Variants in SORBS2 observed in about 807,000 individuals in gnomAD.
SORBS2 encodes sorbin and SH3 domain containing 2.
In SORBS2, 46 loss-of-function variants were observed where a neutral mutation model predicts 97.7. The observed-to-expected ratio is 0.47, with a 90% CI of 0.37 to 0.60. The LOEUF is 0.60. Among genes scored for constraint, SORBS2 ranks in the 20% least tolerant of loss-of-function variants. SORBS2 has a pLI of 0.00. For synonymous variants in SORBS2, 476 were observed against 473.4 expected (o/e 1.01, Z -0.07); for missense variants, 1,316 against 1,282.3 (o/e 1.03, Z -0.40).
At chr4:185,767,792 T>C (rs1338533166) in intron 2 of SORBS2, among the ~76,000 whole-genome samples, 1 of 152,194 alleles carries the variant, frequency 6.6e-6, no homozygotes, top group Non-Finnish European at 1.5e-5. Context: ...CAGCGTTTCA[T>C]TTCTCTAATC....
At chr4:185,753,199 A>T (rs1223250407) in intron 2 of SORBS2, among the ~76,000 whole-genome samples, 1 of 152,238 alleles carries the variant, frequency 6.6e-6, no homozygotes, top group African/African-American at 2.4e-5. Context: ...TCAATTCTGT[A>T]TTCACCATTC....
intron 1 of SORBS2, among the ~76,000 whole-genome samples, chr4:185,946,783 A>T (rs2099274735): frequency 6.6e-6 from 1 of 152,260 alleles, no homozygotes; most frequent in African/African-American, 2.4e-5. Context: ...TAAAGTGCCA[A>T]ATAAGACAAT....
At chr4:185,722,647 T>C (rs2098524747) in intron 2 of SORBS2, among the ~76,000 whole-genome samples, 1 of 152,028 alleles carries the variant, frequency 6.6e-6, no homozygotes, top group East Asian at 1.9e-4. Context: ...GTTGAAAGAG[T>C]CTTGTTTGAA....
chr4:185,905,531 G>T (rs1436232212), intron 1 of SORBS2, among the ~76,000 whole-genome samples: 2 of 152,040 alleles, frequency 1.3e-5, no homozygotes, highest in African/African-American at 4.8e-5. Context: ...CAGTCATAAC[G>T]GTATTCCATT....
intron 4 of SORBS2, among the ~76,000 whole-genome samples, chr4:185,672,794 T>C (rs1004862577): frequency 4.6e-5 from 7 of 152,234 alleles, no homozygotes; most frequent in Admixed American, 1.3e-4. Flanking sequence ...ATGGAGCACA[T>C]ATTTGGCTGA....
In SORBS2 at chr4:185,905,487, G is replaced by T. The variant is rs370372053; in HGVS notation, c.-338+50709C>A. On this transcript the variant is annotated intron_variant, in intron 1 of 20. Coordinates refer to the SORBS2 transcript ENST00000284776. ...TCACTTGCAAATGCTGGAATTTAGA[G>T]CAAAACAGTATTCCCTTCCTAAAAC... is the stretch of plus-strand genomic sequence containing the variant. 5.3e-5 allele frequency among the ~76,000 whole-genome samples: 8 copies of T among 152,140 alleles called. No individual in the cohort carries two copies. In the East Asian group the frequency reaches 1.5e-3, roughly 29 times the overall value.
chr4:185,822,436 G>A (rs988699737), intron 1 of SORBS2, among the ~76,000 whole-genome samples: 6 of 152,204 alleles, frequency 3.9e-5, no homozygotes, highest in Admixed American at 3.9e-4. Flanking sequence ...GTGAGTGCCC[G>A]CTTCTGTTTT....
In SORBS2 at chr4:185,888,054, A is replaced by G. The variant is rs911933697; in HGVS notation, c.-338+68142T>C. Among the ~76,000 whole-genome samples the G allele has an allele frequency of 1.0e-4, 13 of 125,168 alleles. No individual in the cohort carries two copies. In the Admixed American group the frequency reaches 1.1e-3, roughly 10 times the overall value. 82.1% of individuals were successfully genotyped at this position (125,168 alleles called of 152,430 possible). On this transcript the variant is annotated intron_variant, in intron 1 of 20. Coordinates refer to the SORBS2 transcript ENST00000284776. The stretch of plus-strand genomic sequence containing the variant: ...AAGCATAAACTGTATGAAACCTGAC[A>G]TTCTATATTATTATTATTATTATTA...
At chr4:185,835,176 C>T (rs2099207333) in intron 1 of SORBS2, among the ~76,000 whole-genome samples, 3 of 152,186 alleles carry the variant, frequency 2.0e-5, no homozygotes, top group African/African-American at 7.2e-5. Context: ...TTCTTCCACA[C>T]TTCCTGTACA....
intron 1 of SORBS2, among the ~76,000 whole-genome samples, chr4:185,848,618 CTTTTTT>C (rs537195530): frequency 4.0e-5 from 3 of 75,634 alleles, no homozygotes; most frequent in Admixed American, 1.6e-4. Context: ...AAGGATATCT[CTTTTTT>C]TTTTTTTTTT....
chr4:185,642,034 A>G (rs4862556), intron 4 of SORBS2, among the ~76,000 whole-genome samples: 71,079 of 152,000 alleles, frequency 0.47, 16,841 homozygotes, highest in South Asian at 0.61. Flanking sequence ...TGCCAGGGCT[A>G]TTTTGTTTTT....
At chr4:185,922,960 A>T (rs2099261610) in intron 1 of SORBS2, among the ~76,000 whole-genome samples, 1 of 152,228 alleles carries the variant, frequency 6.6e-6, no homozygotes, top group South Asian at 2.1e-4. Flanking sequence ...AGGACTGTCA[A>T]GTTAGATACA....
intron 2 of SORBS2, among the ~76,000 whole-genome samples, chr4:185,738,427 A>T (rs1027345254): frequency 6.6e-6 from 1 of 152,212 alleles, no homozygotes; most frequent in Non-Finnish European, 1.5e-5. Context: ...TCCTTTTCCC[A>T]AAACAGAAAA....
intron 1 of SORBS2, among the ~76,000 whole-genome samples, chr4:185,858,470 C>T (rs2099221910): frequency 6.6e-6 from 1 of 152,152 alleles, no homozygotes; most frequent in Admixed American, 6.5e-5. Context: ...ACTTTTTCTC[C>T]CCTTTCTCCC....
At chr4:185,669,701 A>G (rs2153484624) in intron 4 of SORBS2, among the ~76,000 whole-genome samples, 1 of 152,326 alleles carries the variant, frequency 6.6e-6, no homozygotes, top group Non-Finnish European at 1.5e-5. Flanking sequence ...AATACCCCAT[A>G]CTGAACAAAA....
chr4:185,784,876 C>T (rs547162126), intron 1 of SORBS2, among the ~76,000 whole-genome samples: 1 of 152,256 alleles, frequency 6.6e-6, no homozygotes, highest in Admixed American at 6.5e-5. Flanking sequence ...AAAAATGAGC[C>T]GACATGCCTA....
chr4:185,776,327 A>C (rs890419042), intron 1 of SORBS2, among the ~76,000 whole-genome samples: 1 of 152,182 alleles, frequency 6.6e-6, no homozygotes, highest in African/African-American at 2.4e-5. Context: ...CTGAAGACTG[A>C]GATCTCTTTC....
intron 1 of SORBS2, among the ~76,000 whole-genome samples, chr4:185,943,552 TG>T (rs1206850617): frequency 6.6e-6 from 1 of 152,206 alleles, no homozygotes; most frequent in African/African-American, 2.4e-5. Flanking sequence ...ATCCTCACTG[TG>T]GGACGTTTTA....
At chr4:185,789,865 T>G in intron 1 of SORBS2, among the ~76,000 whole-genome samples, 1 of 152,184 alleles carries the variant, frequency 6.6e-6, no homozygotes, top group East Asian at 1.9e-4. Flanking sequence ...TTTCTCACTG[T>G]TTTAGTGCAT....
Sources: gnomAD v4.1 joint callset for allele counts (sites outside exome capture counted in the v4.1 genomes callset) on GRCh38, gnomAD v4.1.1 for gene constraint, MANE v1.5 for transcripts, NCBI Gene and HGNC (gene_info 2026-07-23, HGNC 2026-07-21) for gene names.